DPF3: variants seen among roughly 807,000 people sequenced by gnomAD.
DPF3 encodes the protein double PHD fingers 3.
DPF3 carries 18 observed loss-of-function variants against 56.8 expected under a neutral mutation model. That is an observed-to-expected ratio of 0.32 (90% confidence interval 0.22 to 0.47). The LOEUF (loss-of-function observed/expected upper bound fraction) is 0.47. DPF3 is among the 20% of genes least tolerant of loss of function. The pLI, the probability that DPF3 is intolerant of heterozygous loss-of-function variation, is 1.00. For synonymous variants in DPF3, 188 were observed against 180.2 expected (o/e 1.04, Z -0.35); for missense variants, 403 against 488.8 (o/e 0.82, Z 1.65).
intron 1 of DPF3, among the ~76,000 whole-genome samples, chr14:72,853,648 G>A (rs1381683413): frequency 6.6e-6 from 1 of 151,846 alleles, no homozygotes; most frequent in Non-Finnish European, 1.5e-5. Context: ...CTAATTTTTA[G>A]TAGAGACGGG....
At chr14:72,778,330 T>C (rs1031867045) in intron 1 of DPF3, among the ~76,000 whole-genome samples, 3 of 152,090 alleles carry the variant, frequency 2.0e-5, no homozygotes, top group Non-Finnish European at 4.4e-5. Context: ...CACTAGAGTC[T>C]CATAGAAGCG....
At chr14:72,709,137 C>T (rs1183328222) in intron 6 of DPF3, among the ~76,000 whole-genome samples, 1 of 152,258 alleles carries the variant, frequency 6.6e-6, no homozygotes, top group Non-Finnish European at 1.5e-5. Context: ...CTGGGTGTGG[C>T]AACACACTCC....
At chr14:72,705,545 G>C (rs1888366064) in intron 6 of DPF3, among the ~76,000 whole-genome samples, 1 of 152,158 alleles carries the variant, frequency 6.6e-6, no homozygotes, top group African/African-American at 2.4e-5. Context: ...AGTCCCTGGT[G>C]CCAAAAAACT....
At chr14:72,658,803 A>G (rs1886126419) in intron 8 of DPF3, among the ~76,000 whole-genome samples, 1 of 152,214 alleles carries the variant, frequency 6.6e-6, no homozygotes, top group East Asian at 1.9e-4. Context: ...TGAACAAGGC[A>G]TGCCAACCTC....
Position 72,615,734 on chromosome 14 carries a change from T to C in DPF3, c.*3563A>G, listed in dbSNP as rs1446627016. Among the ~76,000 whole-genome samples the C allele has an allele frequency of 6.6e-6, 1 of 152,234 alleles. No individual in the cohort carries two copies. The highest frequency in any genetic ancestry group is 1.5e-5 in the Non-Finnish European group (1 of 68,038). ...AGCCTTGGGACCTGCTGGCTCCTGC[T>C]TCAGGGGCGATGAGTCAGTGAGGGG... On this transcript the variant is annotated 3_prime_UTR_variant, in exon 11 of 11. Transcript: ENST00000556509.
intron 8 of DPF3, chr14:72,671,404 T>C: frequency 7.6e-6 from 12 of 1,579,404 alleles, no homozygotes; most frequent in Non-Finnish European, 1.0e-5. Flanking sequence ...AATATTCTCA[T>C]TACATTATTA....
chr14:72,728,244 A>G (rs1889488339), intron 4 of DPF3, among the ~76,000 whole-genome samples: 1 of 152,236 alleles, frequency 6.6e-6, no homozygotes, highest in African/African-American at 2.4e-5. Context: ...AGAAAGCAGT[A>G]GGTGGCTTAA....
intron 7 of DPF3, among the ~76,000 whole-genome samples, chr14:72,677,056 G>A (rs72728574): frequency 3.3e-5 from 5 of 152,316 alleles, no homozygotes; most frequent in Admixed American, 6.5e-5. Flanking sequence ...AGCTTCTGAC[G>A]AGATGGAGTC....
intron 1 of DPF3, among the ~76,000 whole-genome samples, chr14:72,831,789 G>C (rs1284818999): frequency 2.0e-5 from 3 of 152,254 alleles, no homozygotes; most frequent in Admixed American, 6.5e-5. Flanking sequence ...AGGCACACAT[G>C]TGCATAAAAG....
At chr14:72,756,928 A>AAGAAGAGAAG (rs1555504030) in intron 2 of DPF3, among the ~76,000 whole-genome samples, 1 of 139,048 alleles carries the variant, frequency 7.2e-6, no homozygotes, top group African/African-American at 3.1e-5. Flanking sequence ...GAAAGAAAGA[A>AAGAAGAGAAG]AGAAGAGAAG....
chr14:72,722,386 C>T (rs1889211708), intron 5 of DPF3, among the ~76,000 whole-genome samples: 1 of 152,192 alleles, frequency 6.6e-6, no homozygotes, highest in Non-Finnish European at 1.5e-5. Context: ...CAGTGTGTGC[C>T]GCGCTGGCCG....
In DPF3 at chr14:72,614,425, C is replaced by T. The variant is rs1023158517; in HGVS notation, c.*4872G>A. 1.7e-4 allele frequency among the ~76,000 whole-genome samples: 26 copies of T among 152,298 alleles called. No individual in the cohort carries two copies. The South Asian group carries it at 1.9e-3, about 11-fold the overall frequency. On this transcript the variant is annotated 3_prime_UTR_variant, in exon 11 of 11. Transcript: ENST00000556509. ...CAGCAGGAAGAGGAGGAGCTCTGTC[C>T]ACTTTGCAGAGGGGAGAGGAGCAGG... is the stretch of plus-strand genomic sequence containing the variant.
intron 1 of DPF3, among the ~76,000 whole-genome samples, chr14:72,888,413 T>C (rs1216272161): frequency 6.6e-6 from 1 of 152,144 alleles, no homozygotes; most frequent in Non-Finnish European, 1.5e-5. Context: ...ATCCATATGG[T>C]TTGACAGACT....
intron 8 of DPF3, among the ~76,000 whole-genome samples, chr14:72,630,066 T>C (rs1041853104): frequency 2.6e-5 from 4 of 152,104 alleles, no homozygotes; most frequent in South Asian, 4.2e-4. Flanking sequence ...GGGGCAGCAC[T>C]ATGAGAGACA....
At chr14:72,838,905 A>ATATATATATATATTT in intron 1 of DPF3, among the ~76,000 whole-genome samples, 5 of 64,480 alleles carry the variant, frequency 7.8e-5, no homozygotes, top group Non-Finnish European at 1.1e-4. Context: ...TATCATATAT[A>ATATATATATATATTT]TTCTTTTTTT....
chr14:72,641,675 G>A (rs1175258434), intron 8 of DPF3, among the ~76,000 whole-genome samples: 1 of 152,242 alleles, frequency 6.6e-6, no homozygotes, highest in Non-Finnish European at 1.5e-5. Context: ...GGTGAGGACA[G>A]AAATGGTGGC....
At chr14:72,754,726 T>G (rs1890719865) in intron 2 of DPF3, among the ~76,000 whole-genome samples, 1 of 152,198 alleles carries the variant, frequency 6.6e-6, no homozygotes, top group Admixed American at 6.5e-5. Context: ...CTATGTAACT[T>G]TCATTGCTAT....
chr14:72,698,622 GGTT>G (rs1205356325), intron 6 of DPF3, among the ~76,000 whole-genome samples: 1 of 152,190 alleles, frequency 6.6e-6, no homozygotes, highest in African/African-American at 2.4e-5. Flanking sequence ...AGGAAGCAGA[GGTT>G]GTAGTTAGCT....
At chr14:72,893,085 C>G (rs949734971) in intron 1 of DPF3, among the ~76,000 whole-genome samples, 2 of 152,192 alleles carry the variant, frequency 1.3e-5, no homozygotes, top group African/African-American at 4.8e-5. Flanking sequence ...GGCTGGCCCC[C>G]GCGAGTCCTC....
Sources: gnomAD v4.1 joint callset for allele counts (sites outside exome capture counted in the v4.1 genomes callset) on GRCh38, gnomAD v4.1.1 for gene constraint, MANE v1.5 for transcripts, NCBI Gene and HGNC (gene_info 2026-07-23, HGNC 2026-07-21) for gene names.